The following FBXO28 variants were observed in gnomAD, a reference collection of about 807,000 sequenced individuals.
The protein encoded by FBXO28 is F-box only protein 28.
FBXO28 carries 8 observed loss-of-function variants against 38.1 expected under a neutral mutation model. That is an observed-to-expected ratio of 0.21 (90% CI 0.12 to 0.38). FBXO28 has a LOEUF of 0.38. FBXO28 is among the 10% of genes least tolerant of loss of function. FBXO28 has a pLI of 1.00. For synonymous variants in FBXO28, 168 were observed against 173.8 expected (o/e 0.97, Z 0.26); for missense variants, 345 against 460.6 (o/e 0.75, Z 2.30).
At chr1:224,139,440 T>C (rs1456024777) in intron 3 of FBXO28, among the ~76,000 whole-genome samples, 1 of 151,808 alleles carries the variant, frequency 6.6e-6, no homozygotes. Flanking sequence ...TTGCTTTTAT[T>C]TTCTCTTTAT....
intron 2 of FBXO28, chr1:224,131,167 G>A (rs899130916): frequency 2.6e-5 from 4 of 151,732 alleles, no homozygotes; most frequent in Non-Finnish European, 5.9e-5. Context: ...ATATTGTTAA[G>A]ATGACGGTAC....
intron 1 of FBXO28, among the ~76,000 whole-genome samples, chr1:224,118,988 C>T (rs549208932): frequency 7.6e-4 from 115 of 152,300 alleles, no homozygotes; most frequent in African/African-American, 2.6e-3. Context: ...CTTCTTGGTA[C>T]TCTGAGAATA....
At chr1:224,145,739 A>T (rs1423468391) in intron 3 of FBXO28, among the ~76,000 whole-genome samples, 1 of 152,152 alleles carries the variant, frequency 6.6e-6, no homozygotes, top group African/African-American at 2.4e-5. Flanking sequence ...CCTGGCCAAC[A>T]TGGTGAAACT....
chr1:224,125,451 A>T (rs1042738358), intron 1 of FBXO28, among the ~76,000 whole-genome samples: 20 of 151,896 alleles, frequency 1.3e-4, no homozygotes, highest in African/African-American at 3.6e-4. Context: ...TTTGGGGTTC[A>T]TGTACATTTA....
chr1:224,154,591 G>A (rs561184951), intron 4 of FBXO28, among the ~76,000 whole-genome samples: 198 of 151,784 alleles, frequency 1.3e-3, no homozygotes, highest in Admixed American at 2.3e-3. Context: ...GGCGGATCAC[G>A]AGGTCAGGAG....
intron 4 of FBXO28, among the ~76,000 whole-genome samples, chr1:224,154,886 G>A (rs1161161205): frequency 6.7e-6 from 1 of 149,530 alleles, no homozygotes; most frequent in Non-Finnish European, 1.5e-5. Context: ...GCTGAGGCAT[G>A]AGAGTTACTT....
chr1:224,114,178 C>T lies in FBXO28; in HGVS notation c.49C>T (p.Gln17Ter). ...ERMAEEGGGGQGDGGSSLASG... is the reference protein window; with the variant it reads ...ERMAEEGGGG ...GATGGCAGAGGAAGGAGGCGGCGGC[C>T]AAGGCGACGGCGGTTCCTCTTTGGC... Residue 17 changes from glutamine to a stop codon, truncating the protein, a stop_gained, in exon 1 of 5, where the codon CAA becomes TAA. Transcript: ENST00000366862. LOFTEE classifies it high-confidence loss of function. The T allele has an allele frequency of 6.5e-7, 1 of 1,547,348 alleles. No individual in the cohort carries two copies. The highest frequency in any genetic ancestry group is 8.7e-7 in the Non-Finnish European group (1 of 1,145,828).
intron 3 of FBXO28, among the ~76,000 whole-genome samples, chr1:224,137,153 CT>C (rs1657210775): frequency 6.6e-6 from 1 of 151,846 alleles, no homozygotes. Context: ...ATTTTATTCA[CT>C]TAAGTGAATC....
intron 1 of FBXO28, among the ~76,000 whole-genome samples, chr1:224,117,460 T>A (rs1207506079): frequency 5.9e-5 from 9 of 151,506 alleles, no homozygotes; most frequent in African/African-American, 2.2e-4. Flanking sequence ...ATTTTATTTT[T>A]TGGCCATTGA....
intron 1 of FBXO28, among the ~76,000 whole-genome samples, chr1:224,124,648 G>A (rs1031627257): frequency 6.6e-6 from 1 of 152,104 alleles, no homozygotes; most frequent in Non-Finnish European, 1.5e-5. Context: ...TGCTTGTCCT[G>A]GGGAAATTTA....
At chr1:224,146,524 CAT>C (rs1316463782) in intron 3 of FBXO28, among the ~76,000 whole-genome samples, 2 of 152,018 alleles carry the variant, frequency 1.3e-5, no homozygotes, top group Non-Finnish European at 2.9e-5. Context: ...CCATTTTAGA[CAT>C]AAGCGTGGTA....
rs565597029 is a variant in FBXO28, at chr1:224,119,156, C to T, written c.267+4760C>T. On this transcript the variant is annotated intron_variant, in intron 1 of 4. Coordinates refer to ENST00000366862, the MANE Select transcript of FBXO28 (RefSeq NM_015176.4). ...TTTTCTTTTTTTTTTTTTTTTTTGA[C>T]GGAATCTCGCTCTGTCGCCCAGGCT... Among the ~76,000 whole-genome samples, 179 of 12,702 alleles carry T rather than the reference C, an allele frequency of 0.014. No individual in the cohort carries two copies. The Middle Eastern group carries it at 0.18, about 13-fold the overall frequency. The allele number at this position is 12,702 out of a possible 152,430, so 8.3% of individuals were successfully genotyped here.
intron 1 of FBXO28, among the ~76,000 whole-genome samples, chr1:224,126,674 G>A (rs1473102357): frequency 1.8e-4 from 27 of 152,152 alleles, no homozygotes. Context: ...GCCAGGTGTG[G>A]TGGCAGGCGC....
intron 1 of FBXO28, among the ~76,000 whole-genome samples, chr1:224,127,533 TA>T (rs1445887814): frequency 6.6e-6 from 1 of 152,226 alleles, no homozygotes; most frequent in Non-Finnish European, 1.5e-5. Context: ...GTATTGTGTT[TA>T]TGTCTTTGTT....
Position 224,114,148 on chromosome 1 carries a change from G to C in FBXO28, c.19G>C (p.Glu7Gln). The C allele has an allele frequency of 6.5e-7, 1 of 1,543,690 alleles. No individual in the cohort carries two copies. The highest frequency in any genetic ancestry group is 1.2e-5 in the South Asian group (1 of 83,266). ...CCCCAAGATGGCGGCAGCGGCGGAG[G>C]AGCGGATGGCAGAGGAAGGAGGCGG... is the stretch of plus-strand genomic sequence containing the variant. MAAAAE[E>Q]RMAEEGGGGQ... Residue 7 changes from glutamate to glutamine, a missense_variant, in exon 1 of 5, where the codon GAG (glutamate) becomes CAG (glutamine). Physicochemically the swap from Glu to Gln is conservative, Grantham distance 29. Coordinates refer to ENST00000366862, the MANE Select transcript of FBXO28 (RefSeq NM_015176.4).
In FBXO28 at chr1:224,116,725, T is replaced by C. The variant is rs147127711; in HGVS notation, c.267+2329T>C. On this transcript the variant is annotated intron_variant, in intron 1 of 4. Transcript: ENST00000366862. ...ACAATAAATAGGTACACAATCCATG[T>C]ACTTACTACTCTGCATTTTCTTTAA... Among the ~76,000 whole-genome samples, 79 of 152,344 alleles carry C rather than the reference T, an allele frequency of 5.2e-4. 1 individual carries two copies. In the East Asian group the frequency reaches 0.015, roughly 28 times the overall value.
intron 1 of FBXO28, among the ~76,000 whole-genome samples, chr1:224,130,161 GT>G (rs1481532612): frequency 6.6e-6 from 1 of 152,048 alleles, no homozygotes; most frequent in East Asian, 1.9e-4. Flanking sequence ...GGCCAGCATG[GT>G]GAAACTCTGT....
chr1:224,146,091 G>A (rs915176230), intron 3 of FBXO28, among the ~76,000 whole-genome samples: 11 of 150,690 alleles, frequency 7.3e-5, no homozygotes, highest in South Asian at 4.2e-4. Flanking sequence ...AAAATTATCC[G>A]GGCGTGGTGG....
At chr1:224,147,419 T>TC (rs1553291648) in intron 3 of FBXO28, among the ~76,000 whole-genome samples, 1 of 17,432 alleles carries the variant, frequency 5.7e-5, no homozygotes, top group African/African-American at 1.2e-4. Flanking sequence ...CGAGACTGTG[T>TC]CAAAAAAAAA....
Sources: allele counts gnomAD v4.1 joint callset (sites outside exome capture counted in the v4.1 genomes callset), GRCh38; gene constraint gnomAD v4.1.1; transcripts MANE v1.5; gene names NCBI Gene and HGNC (gene_info 2026-07-23, HGNC 2026-07-21).